Variants in ERBB4 observed in about 807,000 individuals in gnomAD.
ERBB4 encodes erb-b2 receptor tyrosine kinase 4.
ERBB4 carries 42 observed loss-of-function variants against 158.0 expected under a neutral mutation model. The observed-to-expected ratio is 0.27, with a 90% CI of 0.21 to 0.34. The LOEUF (loss-of-function observed/expected upper bound fraction) is 0.34, where lower values mean the gene tolerates loss of function less well. ERBB4 is among the 10% of genes least tolerant of loss of function. ERBB4 has a pLI of 1.00. For synonymous variants in ERBB4, 583 were observed against 558.7 expected, an observed-to-expected ratio of 1.04 and a Z score of -0.61; for missense variants, 1,333 against 1,624.1, an observed-to-expected ratio of 0.82 and a Z score of 3.08.
chr2:211,610,028 T>C (rs1285692736), intron 19 of ERBB4, among the ~76,000 whole-genome samples: 3 of 152,138 alleles, frequency 2.0e-5, no homozygotes, highest in Non-Finnish European at 4.4e-5. Flanking sequence ...GTAGACGCTT[T>C]TGTAATACCA....
At chr2:212,445,077 C>T (rs1050880860) in intron 1 of ERBB4, among the ~76,000 whole-genome samples, 1 of 151,970 alleles carries the variant, frequency 6.6e-6, no homozygotes, top group Admixed American at 6.6e-5. Flanking sequence ...TGGGCTCATG[C>T]TCATGGAATT....
chr2:212,491,429 C>G (rs1391110032), intron 1 of ERBB4, among the ~76,000 whole-genome samples: 1 of 151,518 alleles, frequency 6.6e-6, no homozygotes, highest in East Asian at 1.9e-4. Flanking sequence ...AGTACAGTAA[C>G]ATGTTGTTTA....
chr2:212,429,137 T>C (rs2091973288), intron 1 of ERBB4: 1 of 152,212 alleles, frequency 6.6e-6, no homozygotes. Flanking sequence ...AGAGAGAGAT[T>C]ATAGAACAAA....
Position 212,538,468 on chromosome 2 carries a change from C to G in ERBB4, c.63G>C (p.Gln21His). 3 of 1,613,958 alleles carry G rather than the reference C, an allele frequency of 1.9e-6. No homozygotes were observed. The highest frequency in any genetic ancestry group is 1.7e-5 in the Admixed American group (1 of 60,022). ...ACCCACCTGACTGAGAATCGCTGGG[C>G]TGGACGGTCCCCGCCGCCACGAGAA... is the stretch of plus-strand genomic sequence containing the variant. ...VSLLVAAGTV[Q>H]PSDSQSVCAG... Residue 21 changes from glutamine (Q) to histidine (H), a missense_variant, in exon 1 of 28, where the codon CAG (glutamine) becomes CAC (histidine). Around this residue, in one of 5 missense-constraint regions of ERBB4, gnomAD observed 438 missense variants for 586.9 expected, o/e 0.75. Coordinates refer to ENST00000342788, the MANE Select transcript of ERBB4 (RefSeq NM_005235.3).
intron 2 of ERBB4, among the ~76,000 whole-genome samples, chr2:212,029,808 G>A (rs1301071357): frequency 6.6e-6 from 1 of 152,082 alleles, no homozygotes; most frequent in Non-Finnish European, 1.5e-5. Context: ...TTAATGCTCA[G>A]GATAATACCG....
At chr2:211,969,650 C>T (rs1237749562) in intron 2 of ERBB4, among the ~76,000 whole-genome samples, 1 of 151,938 alleles carries the variant, frequency 6.6e-6, no homozygotes, top group South Asian at 2.1e-4. Context: ...AAGGGCATTG[C>T]TTAATTAGAC....
chr2:211,540,205 T>TACACAC (rs143959149), intron 20 of ERBB4, among the ~76,000 whole-genome samples: 3 of 147,840 alleles, frequency 2.0e-5, no homozygotes, highest in Admixed American at 6.8e-5. Context: ...TATATATATA[T>TACACAC]ACACACACAC....
At chr2:211,828,112 T>G (rs972426563) in intron 3 of ERBB4, among the ~76,000 whole-genome samples, 17 of 152,156 alleles carry the variant, frequency 1.1e-4, no homozygotes, top group Non-Finnish European at 7.4e-5. Context: ...TTAGGGAATG[T>G]GAACAATATC....
intron 2 of ERBB4, among the ~76,000 whole-genome samples, chr2:211,951,677 G>A (rs1361780544): frequency 1.3e-5 from 2 of 152,194 alleles, no homozygotes; most frequent in African/African-American, 4.8e-5. Flanking sequence ...CTACTCCCTT[G>A]TAAAGATTCT....
chr2:211,858,983 TG>T (rs1188097915), intron 3 of ERBB4, among the ~76,000 whole-genome samples: 1 of 152,126 alleles, frequency 6.6e-6, no homozygotes, highest in African/African-American at 2.4e-5. Flanking sequence ...GGTTTCACCA[TG>T]TTGGCCAGAC....
intron 25 of ERBB4, among the ~76,000 whole-genome samples, chr2:211,413,309 AACACACACACACACAC>A (rs36108369): frequency 1.1e-5 from 1 of 94,554 alleles, no homozygotes; most frequent in Non-Finnish European, 2.3e-5. Flanking sequence ...CTGTCTTAAA[AACACACACACACACAC>A]ACACACACAC....
intron 1 of ERBB4, among the ~76,000 whole-genome samples, chr2:212,438,693 T>C (rs950261374): frequency 1.3e-5 from 2 of 152,146 alleles, no homozygotes; most frequent in African/African-American, 4.8e-5. Context: ...ATAAACACTT[T>C]CCTTAGCTTC....
intron 3 of ERBB4, among the ~76,000 whole-genome samples, chr2:211,858,043 C>T (rs1249808195): frequency 6.6e-6 from 1 of 151,990 alleles, no homozygotes; most frequent in Non-Finnish European, 1.5e-5. Context: ...ATATGTTTCT[C>T]GATGTAACAC....
intron 4 of ERBB4, among the ~76,000 whole-genome samples, chr2:211,784,723 G>A (rs1034410067): frequency 3.3e-5 from 5 of 151,832 alleles, no homozygotes; most frequent in African/African-American, 7.3e-5. Flanking sequence ...CCACCAAGAA[G>A]GATTCCAATT....
chr2:212,219,866 T>A (rs1366879014), intron 1 of ERBB4, among the ~76,000 whole-genome samples: 1 of 150,730 alleles, frequency 6.6e-6, no homozygotes, highest in Non-Finnish European at 1.5e-5. Flanking sequence ...CCTTTTATTA[T>A]AAAGTGACAG....
At chr2:212,338,315 T>G (rs373319850) in intron 1 of ERBB4, among the ~76,000 whole-genome samples, 2 of 152,082 alleles carry the variant, frequency 1.3e-5, no homozygotes, top group African/African-American at 2.4e-5. Context: ...AGCACTACTG[T>G]GGCAGTAAGT....
At chr2:212,093,565 T>C (rs1429357359) in intron 2 of ERBB4, among the ~76,000 whole-genome samples, 1 of 152,166 alleles carries the variant, frequency 6.6e-6, no homozygotes, top group African/African-American at 2.4e-5. Context: ...ATGAAAACAA[T>C]GAAGCCAACT....
At chr2:212,374,892 T>C (rs1395563145) in intron 1 of ERBB4, among the ~76,000 whole-genome samples, 2 of 141,762 alleles carry the variant, frequency 1.4e-5, no homozygotes, top group Non-Finnish European at 3.0e-5. Context: ...TTTATATTAC[T>C]GAGAAGATTT....
intron 4 of ERBB4, among the ~76,000 whole-genome samples, chr2:211,787,240 A>G (rs1184112745): frequency 1.2e-4 from 18 of 152,232 alleles, no homozygotes; most frequent in Non-Finnish European, 2.9e-5. Context: ...CTTGATGAAA[A>G]TTCTGTTTTC....
Sources: allele counts gnomAD v4.1 joint callset (sites outside exome capture counted in the v4.1 genomes callset), GRCh38; gene constraint gnomAD v4.1.1; regional missense constraint gnomAD v4.1.1; transcripts MANE v1.5; gene names NCBI Gene and HGNC (gene_info 2026-07-23, HGNC 2026-07-21).